ITGA11: variants seen among roughly 807,000 people sequenced by gnomAD.
The protein encoded by ITGA11 is integrin subunit alpha 11, also known as integrin alpha-11.
In ITGA11, 97 loss-of-function variants were observed where a neutral mutation model predicts 141.9. That is an observed-to-expected ratio of 0.68 (90% confidence interval 0.58 to 0.81). ITGA11 has a LOEUF of 0.81. Among genes scored for constraint, ITGA11 ranks in the 30% least tolerant of loss-of-function variants. The probability of loss-of-function intolerance (pLI) is 0.00; values close to 1 mark genes in which losing one functional copy is unlikely to be tolerated. For synonymous variants in ITGA11, 658 were observed against 624.6 expected (o/e 1.05, Z -0.80); for missense variants, 1,387 against 1,559.2 (o/e 0.89, Z 1.86).
At chr15:68,359,810 T>TA (rs1363229847) in intron 5 of ITGA11, among the ~76,000 whole-genome samples, 1 of 152,252 alleles carries the variant, frequency 6.6e-6, no homozygotes, top group East Asian at 1.9e-4. Context: ...CAGTTGGAGT[T>TA]ACTTTGAAAT....
At chr15:68,310,630 GCTGCGT>G (rs1230271446) in intron 26 of ITGA11, among the ~76,000 whole-genome samples, 1 of 152,182 alleles carries the variant, frequency 6.6e-6, no homozygotes, top group Non-Finnish European at 1.5e-5. Context: ...TGGTGTTCTG[GCTGCGT>G]CTGTTTTCTT....
intron 3 of ITGA11, among the ~76,000 whole-genome samples, chr15:68,368,701 T>G (rs1895500201): frequency 6.6e-6 from 1 of 152,234 alleles, no homozygotes; most frequent in Non-Finnish European, 1.5e-5. Context: ...CACCTCTGTA[T>G]GCTGTCATTT....
intron 6 of ITGA11, among the ~76,000 whole-genome samples, chr15:68,357,913 A>G (rs1271359675): frequency 1.3e-5 from 2 of 152,224 alleles, no homozygotes; most frequent in African/African-American, 2.4e-5. Context: ...ACTTCATGAG[A>G]AAGTCCACTC....
intron 2 of ITGA11, among the ~76,000 whole-genome samples, chr15:68,385,181 T>C (rs1009947523): frequency 2.0e-5 from 3 of 152,268 alleles, no homozygotes; most frequent in African/African-American, 7.2e-5. Context: ...TGAGTTTCCA[T>C]TGCTTGGAAA....
At position 68,324,416 on chromosome 15, in the gene ITGA11, A is replaced by T. The variant is rs533092696; in HGVS notation, c.2322+715T>A. Among the ~76,000 whole-genome samples the T allele has an allele frequency of 3.0e-3, 453 of 152,256 alleles. 3 individuals are homozygous for T. Among genetic ancestry groups the T allele is most frequent in the African/African-American group, 0.01 (426 of 41,546 alleles). On this transcript the variant is annotated intron_variant, in intron 18 of 29. Transcript: ENST00000315757. The surrounding 1 kb of genome is among the most constrained non-coding windows in gnomAD (Gnocchi z 6.3). ...CTTAAGAGCACCGTGGTGTGCTTAA[A>T]AGTTGTTTCCCAAATCCTCAAGGTT...
chr15:68,325,025 G>A lies in ITGA11; in HGVS notation c.2322+106C>T. 1 of 813,854 alleles carries A rather than the reference G, an allele frequency of 1.2e-6. No homozygotes were observed. Among genetic ancestry groups the A allele is most frequent in the South Asian group, 1.5e-5 (1 of 68,786 alleles). The allele number at this position is 813,854 out of a possible 1,614,324, so 50.4% of individuals were successfully genotyped here. ...CAGGAGGTGGGAAGGTGAGATGAGGGATGGTGTCCTCTGTACCCGGCACAC... is the reference window on the plus strand; with the variant it reads ...CAGGAGGTGGGAAGGTGAGATGAGGAATGGTGTCCTCTGTACCCGGCACAC... On this transcript the variant is annotated intron_variant, in intron 18 of 29. Transcript: ENST00000315757. This position sits in a 1 kb window ranked among gnomAD's most constrained non-coding sequence, Gnocchi z 5.5.
At chr15:68,388,582 C>T (rs900664114) in intron 2 of ITGA11, among the ~76,000 whole-genome samples, 3 of 152,188 alleles carry the variant, frequency 2.0e-5, no homozygotes, top group African/African-American at 7.2e-5. Context: ...CAATTCTATT[C>T]ACCATTGAGT....
intron 1 of ITGA11, among the ~76,000 whole-genome samples, chr15:68,424,059 T>G (rs997237535): frequency 3.3e-5 from 5 of 152,222 alleles, no homozygotes; most frequent in African/African-American, 4.8e-5. Context: ...GCCAAATCAA[T>G]TTATCTATAG....
At chr15:68,431,274 G>T (rs1305446461) in intron 1 of ITGA11, among the ~76,000 whole-genome samples, 1 of 152,138 alleles carries the variant, frequency 6.6e-6, no homozygotes, top group African/African-American at 2.4e-5. Flanking sequence ...AGGCGGCGGC[G>T]CGCGTCTAGG....
At chr15:68,336,033 AC>A (rs1595865355) in intron 11 of ITGA11, 188 bp from the exon 12 acceptor site, 1 of 677,014 alleles carries the variant, frequency 1.5e-6, no homozygotes, top group Non-Finnish European at 2.5e-6. Flanking sequence ...AAGAGGCAGG[AC>A]CCAGGAAGGG....
At chr15:68,419,069 C>T (rs777403672) in intron 1 of ITGA11, among the ~76,000 whole-genome samples, 7 of 152,024 alleles carry the variant, frequency 4.6e-5, no homozygotes, top group Non-Finnish European at 1.0e-4. Flanking sequence ...CTGCAGGGCC[C>T]GCCCTCCAGT....
rs1892937965 is a variant in ITGA11 at position 68,297,599 on chromosome 15, GT to G, written c.*5459del. ...CCACTACGTACTTCTAAATATTAATGTTTTTACAAAAGCACTGTAATGGTTT... is the reference window on the plus strand; with the variant it reads ...CCACTACGTACTTCTAAATATTAATGTTTTACAAAAGCACTGTAATGGTTT... On this transcript the variant is annotated 3_prime_UTR_variant, in exon 30 of 30. Coordinates refer to ENST00000315757, the MANE Select transcript of ITGA11 (RefSeq NM_001004439.2). 1 of 150,576 alleles carries G rather than the reference GT, an allele frequency of 6.6e-6. No individual in the cohort carries two copies. The highest frequency in any genetic ancestry group is 6.6e-5 in the Admixed American group (1 of 15,122). 9.3% of individuals were successfully genotyped at this position (150,576 alleles called of 1,614,324 possible).
In ITGA11 at chr15:68,395,922, G is replaced by A. The variant is rs542043076; in HGVS notation, c.164+6996C>T. On this transcript the variant is annotated intron_variant, in intron 2 of 29. Coordinates refer to ENST00000315757, the MANE Select transcript of ITGA11 (RefSeq NM_001004439.2). ...AATCTATAATGAGAAATCTTCCCACGAAACAACCCTAGATGCTGTACTAGT... is the reference window on the plus strand; with the variant it reads ...AATCTATAATGAGAAATCTTCCCACAAAACAACCCTAGATGCTGTACTAGT... Among the ~76,000 whole-genome samples, 34 of 151,072 alleles carry A rather than the reference G, an allele frequency of 2.3e-4. 1 individual carries two copies. In the East Asian group the frequency reaches 6.1e-3, roughly 27 times the overall value.
chr15:68,386,822 G>A (rs1026946186), intron 2 of ITGA11, among the ~76,000 whole-genome samples: 19 of 152,274 alleles, frequency 1.2e-4, no homozygotes, highest in South Asian at 4.1e-4. Flanking sequence ...TGGGAGCCTG[G>A]ATGGGGCTCT....
In ITGA11 at chr15:68,322,125, C is replaced by T. The variant is rs755396150; in HGVS notation, c.2323-622G>A. Among the ~76,000 whole-genome samples the T allele has an allele frequency of 3.5e-4, 53 of 151,988 alleles. No individual in the cohort carries two copies. The highest frequency in any genetic ancestry group is 5.6e-4 in the Non-Finnish European group (38 of 68,022). On this transcript the variant is annotated intron_variant, in intron 18 of 29. Coordinates refer to ENST00000315757, the MANE Select transcript of ITGA11 (RefSeq NM_001004439.2). The surrounding 1 kb of genome is among the most constrained non-coding windows in gnomAD (Gnocchi z 5.6). ...CAGGGGCCCTGGGGCAGGAGCGGGACGGTGAGTCTGGGAAATGATAGGTGG... is the reference window on the plus strand; with the variant it reads ...CAGGGGCCCTGGGGCAGGAGCGGGATGGTGAGTCTGGGAAATGATAGGTGG...
rs1567156532 is a variant in ITGA11, at chr15:68,396,980, T to TAATATATTATTTATTATATAATATATAA, written c.164+5937_164+5938insTTATATATTATATAATAAATAATATATT. Reference sequence around the variant, plus strand: ...ATTATATAATAAATAATATATTATATATTATTTATTATATAATATATAATA... The same window carrying TAATATATTATTTATTATATAATATATAA: ...ATTATATAATAAATAATATATTATATAATATATTATTTATTATATAATATATAAATTATTTATTATATAATATATAATA... On this transcript the variant is annotated intron_variant, in intron 2 of 29. Transcript: ENST00000315757. Among the ~76,000 whole-genome samples, 7 of 42,278 alleles carry TAATATATTATTTATTATATAATATATAA rather than the reference T, an allele frequency of 1.7e-4. 3 individuals are homozygous for TAATATATTATTTATTATATAATATATAA. The highest frequency in any genetic ancestry group is 7.3e-4 in the African/African-American group (7 of 9,530). 27.7% of individuals were successfully genotyped at this position (42,278 alleles called of 152,430 possible).
rs558553553 is a variant in ITGA11, at chr15:68,312,332, G to C, written c.2973+441C>G. Among the ~76,000 whole-genome samples, 5 of 152,282 alleles carry C rather than the reference G, an allele frequency of 3.3e-5. No homozygotes were observed. In the East Asian group the frequency reaches 9.6e-4, roughly 29 times the overall value. ...TCTTCTCCCCTTCCTCCTTCCTGCTGCCTGGAATGAGAAGGTGATGGCTGG... is the reference window on the plus strand; with the variant it reads ...TCTTCTCCCCTTCCTCCTTCCTGCTCCCTGGAATGAGAAGGTGATGGCTGG... On this transcript the variant is annotated intron_variant, in intron 24 of 29. Coordinates refer to ENST00000315757, the MANE Select transcript of ITGA11 (RefSeq NM_001004439.2).
In ITGA11 at chr15:68,299,520, A is replaced by G. The variant is rs915235999; in HGVS notation, c.*3539T>C. 2.7e-5 allele frequency: 4 copies of G among 150,582 alleles called. No homozygotes were observed. Among genetic ancestry groups the G allele is most frequent in the Admixed American group, 6.6e-5 (1 of 15,104 alleles). 9.3% of individuals were successfully genotyped at this position (150,582 alleles called of 1,614,324 possible). On this transcript the variant is annotated 3_prime_UTR_variant, in exon 30 of 30. Transcript: ENST00000315757. The stretch of plus-strand genomic sequence containing the variant: ...GACTGGTGTGGTGTTGAATAAAAAC[A>G]GGGGACCATTCATACTAATGGCTGT...
chr15:68,393,332 A>G (rs888566765), intron 2 of ITGA11, among the ~76,000 whole-genome samples: 12 of 152,194 alleles, frequency 7.9e-5, no homozygotes, highest in African/African-American at 2.9e-4. Flanking sequence ...ATGAAGGTAG[A>G]GAATTTTCCA....
Sources: allele counts gnomAD v4.1 joint callset (sites outside exome capture counted in the v4.1 genomes callset), GRCh38; gene constraint gnomAD v4.1.1; non-coding constraint Gnocchi (gnomAD v3.1); transcripts MANE v1.5; gene names NCBI Gene and HGNC (gene_info 2026-07-23, HGNC 2026-07-21).